Variants in CPNE9 observed in about 807,000 individuals in gnomAD.
CPNE9 encodes the protein copine family member 9.
A neutral mutation model predicts 83.0 loss-of-function variants in CPNE9; 59 were observed. The observed-to-expected ratio is 0.71, with a 90% CI of 0.58 to 0.88. CPNE9 has a LOEUF of 0.88. Ranked by LOEUF, CPNE9 falls within the 40% of genes least tolerant of loss-of-function variation. The probability of loss-of-function intolerance (pLI) is 0.00; values close to 1 mark genes in which losing one functional copy is unlikely to be tolerated. For missense variants in CPNE9, 619 were observed against 720.8 expected (o/e 0.86, Z 1.62); for synonymous variants, 256 against 273.4 (o/e 0.94, Z 0.63).
In CPNE9 at chr3:9,725,687, T is replaced by C. The variant is rs562309894; in HGVS notation, c.1242-262T>C. 5.3e-3 allele frequency among the ~76,000 whole-genome samples: 324 copies of C among 61,410 alleles called. 9 individuals are homozygous for C. Among genetic ancestry groups the C allele is most frequent in the Admixed American group, 0.05 (296 of 5,930 alleles). 40.3% of individuals were successfully genotyped at this position (61,410 alleles called of 152,430 possible). ...ATGTATATATATGTGTATATATATA[T>C]ACATATATGTGTATATATGTGTATA... is the stretch of plus-strand genomic sequence containing the variant. On this transcript the variant is annotated intron_variant, in intron 17 of 20. Transcript: ENST00000383832.
intron 15 of CPNE9, among the ~76,000 whole-genome samples, chr3:9,717,688 G>A (rs534101793): frequency 4.0e-4 from 61 of 152,172 alleles, no homozygotes; most frequent in African/African-American, 1.4e-3. Context: ...ATGGATGGAT[G>A]GATGGACTGA....
rs756255778 is a variant in CPNE9, at chr3:9,726,626, G to A, written c.1345-39G>A. 10 of 1,534,656 alleles carry A rather than the reference G, an allele frequency of 6.5e-6. 1 individual carries two copies. The highest frequency in any genetic ancestry group is 1.8e-6 in the Non-Finnish European group (2 of 1,108,740). ...TCCCAACAGTCACCTCCCTAGTGAT[G>A]CCTGCTTGCCCCAACAGTTCACCCT... On this transcript the variant is annotated intron_variant, in intron 18 of 20. Coordinates refer to ENST00000383832, the MANE Select transcript of CPNE9 (RefSeq NM_153635.3).
chr3:9,709,046 G>T (rs1232555054), intron 7 of CPNE9, among the ~76,000 whole-genome samples: 1 of 151,220 alleles, frequency 6.6e-6, no homozygotes, highest in Admixed American at 6.6e-5. Context: ...GGCCGAGGTG[G>T]GTGGCTCACT....
At chr3:9,720,895 G>A (rs965766592) in intron 17 of CPNE9, among the ~76,000 whole-genome samples, 3 of 152,114 alleles carry the variant, frequency 2.0e-5, no homozygotes, top group African/African-American at 7.2e-5. Context: ...CTGTGGCTTT[G>A]GTCAAGATTC....
Position 9,715,462 on chromosome 3 carries a change from C to A in CPNE9, c.769-11C>A, listed in dbSNP as rs1385785871. The stretch of plus-strand genomic sequence containing the variant: ...TTGTTTCTCATCATCACTGTTACCT[C>A]CTCCCCTTAGGTTCTTAACCCTCGG... On this transcript the variant is annotated splice_polypyrimidine_tract_variant and intron_variant, in intron 12 of 20. Coordinates refer to ENST00000383832, the MANE Select transcript of CPNE9 (RefSeq NM_153635.3). The A allele has an allele frequency of 1.2e-6, 2 of 1,613,720 alleles. No individual in the cohort carries two copies. The highest frequency in any genetic ancestry group is 3.3e-5 in the Admixed American group (2 of 60,028).
chr3:9,705,144 G>A, intron 4 of CPNE9, 150 bp downstream of exon 4: 1 of 678,818 alleles, frequency 1.5e-6, no homozygotes, highest in Non-Finnish European at 2.6e-6. Context: ...CCTGAGCCCT[G>A]CCCTTTTATG....
chr3:9,720,313 T>C (rs2076723370), intron 17 of CPNE9, among the ~76,000 whole-genome samples: 1 of 151,764 alleles, frequency 6.6e-6, no homozygotes. Flanking sequence ...GGAATAAAAG[T>C]GAAAGGATTT....
At chr3:9,715,015 T>C (rs984146542) in intron 11 of CPNE9, 60 bp downstream of exon 11, 1 of 1,484,844 alleles carries the variant, frequency 6.7e-7, no homozygotes, top group South Asian at 1.2e-5. Flanking sequence ...CTCAATAATA[T>C]GTTGTACATT....
chr3:9,714,811 C>G, intron 10 of CPNE9, 103 bp from the exon 11 acceptor site: 1 of 971,092 alleles, frequency 1.0e-6, no homozygotes, highest in South Asian at 1.5e-5. Context: ...AATGGGAAGA[C>G]AGATGGGTGG....
intron 10 of CPNE9, among the ~76,000 whole-genome samples, chr3:9,714,580 T>C (rs1341995497): frequency 7.3e-6 from 1 of 136,970 alleles, no homozygotes; most frequent in Non-Finnish European, 1.5e-5. Flanking sequence ...TTAAGTTAAA[T>C]GAGACAATCT....
chr3:9,725,672 A>ATGTATATATG (rs2076775290), intron 17 of CPNE9, among the ~76,000 whole-genome samples: 13 of 29,018 alleles, frequency 4.5e-4, no homozygotes, highest in Admixed American at 6.4e-4. Context: ...ATGTATATAT[A>ATGTATATATG]TGTGTATATA....
Position 9,704,636 on chromosome 3 carries a change from C to G in CPNE9, c.109+9C>G. On this transcript the variant is annotated intron_variant, in intron 2 of 20. Transcript: ENST00000383832. The surrounding 1 kb of genome is among the most constrained non-coding windows in gnomAD (Gnocchi z 7.1). The stretch of plus-strand genomic sequence containing the variant: ...CTCCAAGTCCGACCCCAGTAGGCGG[C>G]TCCAGGACCGGGAGGGGGAACTTGG... The G allele has an allele frequency of 6.2e-7, 1 of 1,613,950 alleles. No individual in the cohort carries two copies. The highest frequency in any genetic ancestry group is 1.1e-5 in the South Asian group (1 of 91,082).
chr3:9,709,573 G>A (rs116177812), intron 7 of CPNE9, among the ~76,000 whole-genome samples: 9 of 151,326 alleles, frequency 5.9e-5, no homozygotes, highest in African/African-American at 1.2e-4. Context: ...TTTCGCCACC[G>A]TGGCCAGGCT....
intron 20 of CPNE9, 140 bp downstream of exon 20, chr3:9,727,326 T>A: frequency 2.1e-6 from 2 of 943,366 alleles, no homozygotes; most frequent in Non-Finnish European, 3.4e-6. Context: ...ATTCATTGAA[T>A]ACATCCTTTT....
chr3:9,712,981 C>T lies in CPNE9; in HGVS notation c.552C>T (p.Thr184=). The T allele has an allele frequency of 6.2e-7, 1 of 1,613,944 alleles. No individual in the cohort carries two copies. Among genetic ancestry groups the T allele is most frequent in the Non-Finnish European group, 8.5e-7 (1 of 1,179,824 alleles). The change falls in exon 10 of 21, where the codon ACC becomes ACT. Residue 184 remains threonine, a synonymous_variant. Transcript: ENST00000383832. ...TCTTCCCACTCCCCTCCAGGTTCAC[C>T]ATCTGCCACAAGACAGAGGTTGTGA... ...FYRSNEDGTF[T]ICHKTEVVKN...
At chr3:9,705,812 TGCTC>T (rs1397274843) in intron 6 of CPNE9, 92 bp downstream of exon 6, 7 of 1,453,018 alleles carry the variant, frequency 4.8e-6, no homozygotes, top group Non-Finnish European at 6.7e-6. Flanking sequence ...AGGCAGAGAT[TGCTC>T]GCAGACCCCT....
rs763511030 is a variant in CPNE9 at position 9,725,903 on chromosome 3, G to T, written c.1242-46G>T. The T allele has an allele frequency of 1.3e-5, 19 of 1,438,410 alleles. No individual in the cohort carries two copies. In the South Asian group the frequency reaches 1.8e-4, roughly 14 times the overall value. 89.1% of individuals were successfully genotyped at this position (1,438,410 alleles called of 1,614,324 possible). A position where few individuals can be genotyped will look rare whatever the true frequency, so the allele number is the denominator to read the frequency against. ...AGCTCTGGGGGTAAGGTGTTCCCTT[G>T]GCCTGTCTGGCTTTCAGCTGGATTC... On this transcript the variant is annotated intron_variant, in intron 17 of 20. Transcript: ENST00000383832.
intron 7 of CPNE9, among the ~76,000 whole-genome samples, chr3:9,709,604 G>A (rs113507936): frequency 0.15 from 22,586 of 151,244 alleles, 1,876 homozygotes; most frequent in African/African-American, 0.24. Flanking sequence ...GCCTTACCTC[G>A]TGATCCACCC....
chr3:9,705,047 C>T (rs1313515188), intron 4 of CPNE9, 53 bp downstream of exon 4: 1 of 1,363,344 alleles, frequency 7.3e-7, no homozygotes, highest in Non-Finnish European at 1.0e-6. Flanking sequence ...TGGATCCGCC[C>T]GGAATTCTGG....
Sources: allele counts gnomAD v4.1 joint callset (sites outside exome capture counted in the v4.1 genomes callset), GRCh38; gene constraint gnomAD v4.1.1; non-coding constraint Gnocchi (gnomAD v3.1); transcripts MANE v1.5; gene names NCBI Gene and HGNC (gene_info 2026-07-23, HGNC 2026-07-21).